The following TRIM35 variants were observed in gnomAD, a reference collection of about 807,000 sequenced individuals.
The protein encoded by TRIM35 is tripartite motif containing 35.
Under a neutral mutation model 49.1 loss-of-function variants are expected in TRIM35, and 37 were observed. The observed-to-expected ratio is 0.75, with a 90% CI of 0.58 to 0.99. TRIM35 has a LOEUF of 0.99. Among genes scored for constraint, TRIM35 ranks in the 50% least tolerant of loss-of-function variants. The pLI, the probability that TRIM35 is intolerant of heterozygous loss-of-function variation, is 0.00. For missense variants in TRIM35, 648 were observed against 702.7 expected (o/e 0.92, Z 0.88); for synonymous variants, 302 against 289.3 (o/e 1.04, Z -0.45).
chr8:27,294,820 TTG>T (rs1229594107), intron 2 of TRIM35, among the ~76,000 whole-genome samples: 1 of 106,982 alleles, frequency 9.3e-6, no homozygotes, highest in African/African-American at 4.3e-5. Flanking sequence ...CACAAAAAGT[TTG>T]TTTTTTTTTT....
chr8:27,289,428 G>A, intron 4 of TRIM35, 148 bp from the exon 5 acceptor site: 2 of 646,466 alleles, frequency 3.1e-6, no homozygotes, highest in Non-Finnish European at 5.5e-6. Flanking sequence ...ACTGGACTGG[G>A]CTACGATGGG....
chr8:27,294,432 A>G, intron 2 of TRIM35, 122 bp from the exon 3 acceptor site: 3 of 907,386 alleles, frequency 3.3e-6, no homozygotes, highest in Non-Finnish European at 4.9e-6. Context: ...GAACCCCTAC[A>G]GATAAAATAT....
At chr8:27,306,563 A>T (rs1802790185) in intron 1 of TRIM35, among the ~76,000 whole-genome samples, 1 of 152,126 alleles carries the variant, frequency 6.6e-6, no homozygotes, top group Non-Finnish European at 1.5e-5. Context: ...TGACCTCGTG[A>T]TCTGCCTGCC....
chr8:27,287,190 C>A lies in TRIM35; in HGVS notation c.*360G>T. On this transcript the variant is annotated 3_prime_UTR_variant, in exon 6 of 6. Coordinates refer to ENST00000305364, the MANE Select transcript of TRIM35 (RefSeq NM_171982.5). The surrounding 1 kb of genome is among the most constrained non-coding windows in gnomAD (Gnocchi z 6.0). ...CTCTCCTTTCCATGGCAGTCCCCTC[C>A]TCATCCAATGGCTTTACCACACCTC... 4.9e-6 allele frequency: 1 copy of A among 203,548 alleles called. No homozygotes were observed. The allele number at this position is 203,548 out of a possible 1,614,324, so 12.6% of individuals were successfully genotyped here.
chr8:27,293,516 G>T (rs1255874166), intron 3 of TRIM35, among the ~76,000 whole-genome samples: 1 of 152,092 alleles, frequency 6.6e-6, no homozygotes, highest in Non-Finnish European at 1.5e-5. Flanking sequence ...GAAAAAAAAT[G>T]AGAGTAAGAG....
intron 2 of TRIM35, among the ~76,000 whole-genome samples, chr8:27,295,475 G>C (rs1049657168): frequency 3.3e-5 from 5 of 152,144 alleles, no homozygotes; most frequent in African/African-American, 1.2e-4. Flanking sequence ...CCCATCATAA[G>C]TTGAAAAATA....
At chr8:27,297,582 T>C (rs1802595717) in intron 2 of TRIM35, among the ~76,000 whole-genome samples, 1 of 152,252 alleles carries the variant, frequency 6.6e-6, no homozygotes, top group East Asian at 1.9e-4. Context: ...GTTTTCATTA[T>C]ATTTTGACAG....
chr8:27,292,058 CA>C (rs540778727), intron 3 of TRIM35, among the ~76,000 whole-genome samples: 1 of 152,292 alleles, frequency 6.6e-6, no homozygotes, highest in Non-Finnish European at 1.5e-5. Context: ...CCACAGCAAC[CA>C]CCAATTGATA....
rs546952156 is a variant in TRIM35, at chr8:27,287,573, C to A, written c.1459G>T (p.Val487Phe). Reference protein sequence around the residue: ...PLRICPLHISVKEELDG With the variant: ...PLRICPLHISFKEELDG ...GCTCAGCCATCCAGTTCTTCCTTGA[C>A]ACTGATGTGCAAGGGGCAGATGCGC... Residue 487 changes from valine to phenylalanine, a missense_variant, in exon 6 of 6, where the codon GTC becomes TTC. Physicochemically the swap from Val to Phe is conservative, Grantham distance 50. Coordinates refer to ENST00000305364, the MANE Select transcript of TRIM35 (RefSeq NM_171982.5). This position sits in a 1 kb window ranked among gnomAD's most constrained non-coding sequence, Gnocchi z 6.0. 7.5e-6 allele frequency: 12 copies of A among 1,593,716 alleles called. No homozygotes were observed. The East Asian group carries it at 2.7e-4, about 36-fold the overall frequency.
intron 1 of TRIM35, among the ~76,000 whole-genome samples, chr8:27,307,629 A>G (rs920525612): frequency 6.6e-6 from 1 of 152,200 alleles, no homozygotes; most frequent in Non-Finnish European, 1.5e-5. Context: ...ACAATGGTCA[A>G]CAGCCACTCC....
chr8:27,310,697 G>C (rs567531651), intron 1 of TRIM35, 104 bp downstream of exon 1: 2 of 1,305,706 alleles, frequency 1.5e-6, no homozygotes, highest in African/African-American at 1.5e-5. Flanking sequence ...AGCGAGACGC[G>C]GGCACACTGG....
intron 1 of TRIM35, among the ~76,000 whole-genome samples, chr8:27,300,827 G>A (rs926905841): frequency 2.0e-5 from 3 of 152,124 alleles, no homozygotes; most frequent in African/African-American, 7.2e-5. Flanking sequence ...TGAGATTTTT[G>A]ATACAAAATC....
chr8:27,307,357 C>T (rs76694908), intron 1 of TRIM35, among the ~76,000 whole-genome samples: 5,506 of 152,012 alleles, frequency 0.036, 148 homozygotes, highest in Non-Finnish European at 0.055. Context: ...CACACACACA[C>T]ACTGCTCGCC....
rs1472128373 is a variant in TRIM35, at chr8:27,286,762, G to GATCCTCCCAGGCTAGCCA, written c.*770_*787dup. 6.5e-6 allele frequency: 1 copy of GATCCTCCCAGGCTAGCCA among 152,892 alleles called. No individual in the cohort carries two copies. Among genetic ancestry groups the GATCCTCCCAGGCTAGCCA allele is most frequent in the African/African-American group, 2.4e-5 (1 of 41,430 alleles). The allele number at this position is 152,892 out of a possible 1,614,324, so 9.5% of individuals were successfully genotyped here. A position where few individuals can be genotyped will look rare whatever the true frequency, so the allele number is the denominator to read the frequency against. On this transcript the variant is annotated 3_prime_UTR_variant, in exon 6 of 6. Transcript: ENST00000305364. ...GGGGCCTCGCTGACCTGGACAGACT[G>GATCCTCCCAGGCTAGCCA]ATCCTCCCAGGCTAGCCAATCCCCC...
At position 27,311,046 on chromosome 8, in the gene TRIM35, C is replaced by G. The variant is rs369572943; in HGVS notation, c.190G>C (p.Ala64Pro). 1.9e-6 allele frequency: 3 copies of G among 1,599,290 alleles called. No individual in the cohort carries two copies. Among genetic ancestry groups the G allele is most frequent in the African/African-American group, 2.7e-5 (2 of 74,676 alleles). Reference protein sequence around the residue: ...SPTCPVCKDRASPADLRTNHT... With the variant: ...SPTCPVCKDRPSPADLRTNHT... ...TTGGTGCGCAGGTCGGCGGGTGACG[C>G]GCGGTCTTTGCACACTGGGCAGGTG... The change falls in exon 1 of 6, where the codon GCG (alanine) becomes CCG (proline). Residue 64 changes from alanine (A) to proline (P), a missense_variant. Coordinates refer to ENST00000305364, the MANE Select transcript of TRIM35 (RefSeq NM_171982.5).
At chr8:27,310,615 C>T (rs1218510012) in intron 1 of TRIM35, among the ~76,000 whole-genome samples, 186 bp downstream of exon 1, 1 of 152,248 alleles carries the variant, frequency 6.6e-6, no homozygotes, top group Non-Finnish European at 1.5e-5. Context: ...CAGCACGGGC[C>T]CCTGGGCCGA....
Position 27,288,064 on chromosome 8 carries a change from C to G in TRIM35, c.968G>C (p.Ser323Thr). 6.2e-7 allele frequency: 1 copy of G among 1,612,888 alleles called. No homozygotes were observed. Among genetic ancestry groups the G allele is most frequent in the Non-Finnish European group, 8.5e-7 (1 of 1,179,998 alleles). Residue 323 changes from serine to threonine, a missense_variant, in exon 6 of 6, where the codon AGC becomes ACC. Transcript: ENST00000305364. Reference sequence around the variant, plus strand: ...CACGCGGTAGCCATGGTTGGTGACGCTGGTGAGGTCGTCAGACACGGAGAG... The same window carrying G: ...CACGCGGTAGCCATGGTTGGTGACGGTGGTGAGGTCGTCAGACACGGAGAG... Reference protein sequence around the residue: ...GWLSVSDDLTSVTNHGYRVQV... With the variant: ...GWLSVSDDLTTVTNHGYRVQV...
rs929161534 is a variant in TRIM35, at chr8:27,286,663, T to C, written c.*887A>G. ...AATAGATCAATCAGAGCTGATCTGA[T>C]GGAGACGGAGGATCCAGCCACACAG... On this transcript the variant is annotated 3_prime_UTR_variant, in exon 6 of 6. Coordinates refer to ENST00000305364, the MANE Select transcript of TRIM35 (RefSeq NM_171982.5). 1 of 158,414 alleles carries C rather than the reference T, an allele frequency of 6.3e-6. No individual in the cohort carries two copies. Among genetic ancestry groups the C allele is most frequent in the African/African-American group, 2.4e-5 (1 of 41,498 alleles). 9.8% of individuals were successfully genotyped at this position (158,414 alleles called of 1,614,324 possible). A position where few individuals can be genotyped will look rare whatever the true frequency, so the allele number is the denominator to read the frequency against.
rs530035616 is a variant in TRIM35, at chr8:27,287,096, C to T, written c.*454G>A. 9.2e-4 allele frequency: 146 copies of T among 158,158 alleles called. No individual in the cohort carries two copies. The highest frequency in any genetic ancestry group is 1.8e-3 in the Non-Finnish European group (127 of 72,076). 9.8% of individuals were successfully genotyped at this position (158,158 alleles called of 1,614,324 possible). The stretch of plus-strand genomic sequence containing the variant: ...CTCTTGCCCACACGTTCCCCTCCCT[C>T]CTTCCGCCTTCTGACCCACCGTGGG... On this transcript the variant is annotated 3_prime_UTR_variant, in exon 6 of 6. Coordinates refer to ENST00000305364, the MANE Select transcript of TRIM35 (RefSeq NM_171982.5). The surrounding 1 kb of genome is among the most constrained non-coding windows in gnomAD (Gnocchi z 6.0).
Sources: allele counts gnomAD v4.1 joint callset (sites outside exome capture counted in the v4.1 genomes callset), GRCh38; gene constraint gnomAD v4.1.1; non-coding constraint Gnocchi (gnomAD v3.1); transcripts MANE v1.5; gene names NCBI Gene and HGNC (gene_info 2026-07-23, HGNC 2026-07-21).